The following LRRC37A variants were observed in gnomAD, a reference collection of about 807,000 sequenced individuals.
LRRC37A encodes the protein leucine-rich repeat-containing protein 37A.
A neutral mutation model predicts 35.4 loss-of-function variants in LRRC37A; 3 were observed. The ratio of observed to expected loss-of-function variants is 0.08; its 90% CI spans 0.04 to 0.22. The LOEUF (loss-of-function observed/expected upper bound fraction) is 0.22. Among genes scored for constraint, LRRC37A ranks in the 10% least tolerant of loss-of-function variants. The pLI, the probability that LRRC37A is intolerant of heterozygous loss-of-function variation, is 1.00. For synonymous variants in LRRC37A, 23 were observed against 215.0 expected, an observed-to-expected ratio of 0.11 and a Z score of 7.81; for missense variants, 67 against 565.3, an observed-to-expected ratio of 0.12 and a Z score of 8.94.
chr17:46,267,596 G>A, the LRRC37A span: 3 of 1,601,158 alleles, frequency 1.9e-6, no homozygotes, highest in Non-Finnish European at 2.6e-6. Context: ...AGCCCGGGCT[G>A]TGGGTCGTCC....
At chr17:46,284,849 T>A in the LRRC37A span, among the ~76,000 whole-genome samples, 1 of 152,238 alleles carries the variant, frequency 6.6e-6, no homozygotes, top group Non-Finnish European at 1.5e-5. Flanking sequence ...AAAGTTTCAA[T>A]CCAATGCACT....
the LRRC37A span, among the ~76,000 whole-genome samples, chr17:46,256,541 T>C: frequency 6.6e-6 from 1 of 152,314 alleles, no homozygotes; most frequent in South Asian, 2.1e-4. Flanking sequence ...CACCCTGATA[T>C]GGGACTTCCC....
At chr17:46,253,530 C>T in the LRRC37A span, among the ~76,000 whole-genome samples, 29 of 152,188 alleles carry the variant, frequency 1.9e-4, no homozygotes, top group Admixed American at 4.6e-4. Flanking sequence ...GCGGATCACT[C>T]GCGGTTAGGA....
At chr17:46,287,213 A>G in the LRRC37A span, among the ~76,000 whole-genome samples, 5 of 152,246 alleles carry the variant, frequency 3.3e-5, no homozygotes, top group Admixed American at 3.3e-4. Flanking sequence ...ATGGGTCTTT[A>G]AAAACATACT....
chr17:46,291,577 A>C (rs2050068227), upstream of LRRC37A, among the ~76,000 whole-genome samples: 1 of 152,018 alleles, frequency 6.6e-6, no homozygotes, highest in African/African-American at 2.4e-5. Context: ...CTCACTCAAA[A>C]TAAGCTTGCA....
At chr17:46,259,716 C>T in the LRRC37A span, 76 of 1,590,804 alleles carry the variant, frequency 4.8e-5, no homozygotes, top group Middle Eastern at 9.0e-4. Context: ...TGAAGGGCAC[C>T]GGATGCCCAG....
the LRRC37A span, among the ~76,000 whole-genome samples, chr17:46,279,297 C>A: frequency 6.6e-6 from 1 of 150,998 alleles, no homozygotes; most frequent in African/African-American, 2.4e-5. Flanking sequence ...AATTCACTTG[C>A]CTCAGCCTCC....
chr17:46,271,011 G>T, the LRRC37A span, among the ~76,000 whole-genome samples: 3 of 152,122 alleles, frequency 2.0e-5, no homozygotes, highest in Non-Finnish European at 4.4e-5. Flanking sequence ...CTCACTCCAA[G>T]TATCTAGAAA....
At chr17:46,261,094 A>G in the LRRC37A span, among the ~76,000 whole-genome samples, 1 of 152,234 alleles carries the variant, frequency 6.6e-6, no homozygotes, top group Non-Finnish European at 1.5e-5. Flanking sequence ...ATAAAAGACT[A>G]TTAATTGGGT....
the LRRC37A span, among the ~76,000 whole-genome samples, chr17:46,261,511 A>C: frequency 6.6e-6 from 1 of 152,142 alleles, no homozygotes; most frequent in African/African-American, 2.4e-5. Flanking sequence ...TCCTGCGTTC[A>C]AGTGATTCTC....
At chr17:46,267,223 C>A in the LRRC37A span, 1 of 700,682 alleles carries the variant, frequency 1.4e-6, no homozygotes, top group South Asian at 2.0e-5. Context: ...CGCGAGATCC[C>A]AGGGCGCCCG....
At chr17:46,255,929 C>G in the LRRC37A span, among the ~76,000 whole-genome samples, 2 of 152,044 alleles carry the variant, frequency 1.3e-5, no homozygotes, top group African/African-American at 2.4e-5. Context: ...CCTGCCTCAG[C>G]CTCCCAAAGT....
chr17:46,260,968 C>G, the LRRC37A span, among the ~76,000 whole-genome samples: 1 of 152,116 alleles, frequency 6.6e-6, no homozygotes, highest in Non-Finnish European at 1.5e-5. Flanking sequence ...AATGGAAAAC[C>G]AAACATCGTA....
At chr17:46,258,647 A>G in the LRRC37A span, among the ~76,000 whole-genome samples, 1 of 152,144 alleles carries the variant, frequency 6.6e-6, no homozygotes. Flanking sequence ...CTACTCAGTC[A>G]TAAAAAGGAA....
chr17:46,286,609 T>C, the LRRC37A span, among the ~76,000 whole-genome samples: 1 of 151,920 alleles, frequency 6.6e-6, no homozygotes, highest in African/African-American at 2.4e-5. Context: ...ACATTCACTA[T>C]GAAGCAAGAT....
chr17:46,287,465 G>A, the LRRC37A span, among the ~76,000 whole-genome samples: 8 of 152,238 alleles, frequency 5.3e-5, no homozygotes, highest in East Asian at 1.2e-3. Flanking sequence ...ACACTACAAG[G>A]ACCATGCAGG....
chr17:46,281,204 G>A, the LRRC37A span, among the ~76,000 whole-genome samples: 1 of 152,120 alleles, frequency 6.6e-6, no homozygotes, highest in Non-Finnish European at 1.5e-5. Flanking sequence ...GGCTTATAAT[G>A]TTTATCAACT....
chr17:46,283,033 C>T, the LRRC37A span, among the ~76,000 whole-genome samples: 1 of 152,198 alleles, frequency 6.6e-6, no homozygotes, highest in African/African-American at 2.4e-5. Context: ...GCAGGAGAAT[C>T]GCTTGAACCT....
At chr17:46,279,798 A>G in the LRRC37A span, among the ~76,000 whole-genome samples, 3 of 152,308 alleles carry the variant, frequency 2.0e-5, no homozygotes, top group South Asian at 6.2e-4. Flanking sequence ...CCCAGCCAAC[A>G]GGCCCTCCTA....
Sources: allele counts gnomAD v4.1 joint callset (sites outside exome capture counted in the v4.1 genomes callset), GRCh38; gene constraint gnomAD v4.1.1; transcripts MANE v1.5; gene names NCBI Gene and HGNC (gene_info 2026-07-23, HGNC 2026-07-21).